RASGRF1: variants seen among roughly 807,000 people sequenced by gnomAD.
The protein encoded by RASGRF1 is Ras protein specific guanine nucleotide releasing factor 1.
RASGRF1 carries 40 observed loss-of-function variants against 138.7 expected under a neutral mutation model. That is an observed-to-expected ratio of 0.29 (90% CI 0.22 to 0.38). The LOEUF is 0.38. Ranked by LOEUF, RASGRF1 falls within the 10% of genes least tolerant of loss-of-function variation. The probability of loss-of-function intolerance (pLI) is 1.00; values close to 1 mark genes in which losing one functional copy is unlikely to be tolerated. For synonymous variants in RASGRF1, 614 were observed against 663.2 expected, an observed-to-expected ratio of 0.93 and a Z score of 1.14; for missense variants, 1,108 against 1,650.4, an observed-to-expected ratio of 0.67 and a Z score of 5.69.
intron 14 of RASGRF1, chr15:79,004,701 T>C (rs1313435322): frequency 1.0e-6 from 1 of 985,842 alleles, no homozygotes; most frequent in Non-Finnish European, 1.2e-6. Context: ...GATGGGAAGC[T>C]GAAAGTGGCC....
At position 78,968,783 on chromosome 15, in the gene RASGRF1, G is replaced by A. The variant is rs1471694558; in HGVS notation, c.3681+3083C>T. On this transcript the variant is annotated intron_variant, in intron 26 of 26. Transcript: ENST00000558480. The stretch of plus-strand genomic sequence containing the variant: ...TGGCCCTGCTGGCATCACCTAACAG[G>A]CTCCTCTGAGTTCTCTTCATGCCTA... Among the ~76,000 whole-genome samples, 6 of 152,190 alleles carry A rather than the reference G, an allele frequency of 3.9e-5. No individual in the cohort carries two copies. The East Asian group carries it at 5.8e-4, about 15-fold the overall frequency.
chr15:79,087,086 C>T (rs145997197), intron 1 of RASGRF1, among the ~76,000 whole-genome samples: 3 of 152,314 alleles, frequency 2.0e-5, no homozygotes, highest in Non-Finnish European at 2.9e-5. Context: ...GAGGCTGCAG[C>T]AGAGGCAGTC....
In RASGRF1 at chr15:78,985,031, C is replaced by T. The variant is rs770093406; in HGVS notation, c.3390G>A (p.Lys1130=). ...CCTGCTTAGAGACTTTGAGCCACGT[C>T]TTTTTGAGCCGGAAGATTGCACTGC... ...MNRSAIFRLK[K]TWLKVSKQTK... Residue 1130 remains lysine, a synonymous_variant, in exon 23 of 27, where the codon AAG becomes AAA. Transcript: ENST00000558480. The T allele has an allele frequency of 6.2e-7, 1 of 1,614,178 alleles. No homozygotes were observed. The highest frequency in any genetic ancestry group is 8.5e-7 in the Non-Finnish European group (1 of 1,180,014).
chr15:79,090,595 G>GCTCGCTCGCTCC lies in RASGRF1; in HGVS notation c.-109_-98dup, dbSNP rs1242830432. 32 of 1,515,214 alleles carry GCTCGCTCGCTCC rather than the reference G, an allele frequency of 2.1e-5. No homozygotes were observed. The highest frequency in any genetic ancestry group is 2.6e-5 in the Non-Finnish European group (29 of 1,121,390). 93.9% of individuals were successfully genotyped at this position (1,515,214 alleles called of 1,614,324 possible). ...TGCGCGCTGCCTCTCTCTGGCGCTCGCTCGCTCGCTCCCTCTAGCTCTCCC... is the reference window on the plus strand; with the variant it reads ...TGCGCGCTGCCTCTCTCTGGCGCTCGCTCGCTCGCTCCCTCGCTCGCTCCCTCTAGCTCTCCC... On this transcript the variant is annotated 5_prime_UTR_variant, in exon 1 of 27. Coordinates refer to ENST00000558480, the MANE Select transcript of RASGRF1 (RefSeq NM_001145648.3).
At position 79,032,026 on chromosome 15, in the gene RASGRF1, A is replaced by C; in HGVS notation, c.1152+97T>G. On this transcript the variant is annotated intron_variant, in intron 7 of 26. Transcript: ENST00000558480. The surrounding 1 kb of genome is among the most constrained non-coding windows in gnomAD (Gnocchi z 4.5). ...TCCCCCGCCCCCTTTGGCAGCCCAG[A>C]GCTGGGGTGCGTTAAGCACTGTGCC... 1 of 1,380,792 alleles carries C rather than the reference A, an allele frequency of 7.2e-7. No homozygotes were observed. Among genetic ancestry groups the C allele is most frequent in the Non-Finnish European group, 9.8e-7 (1 of 1,020,098 alleles). 85.5% of individuals were successfully genotyped at this position (1,380,792 alleles called of 1,614,324 possible).
At chr15:78,971,519 G>GACA (rs2055760138) in intron 26 of RASGRF1, among the ~76,000 whole-genome samples, 2 of 152,232 alleles carry the variant, frequency 1.3e-5, no homozygotes, top group Admixed American at 6.5e-5. Flanking sequence ...GTGGCTGGGG[G>GACA]ACATTTCACT....
intron 20 of RASGRF1, 108 bp from the exon 21 acceptor site, chr15:78,991,902 G>T: frequency 1.3e-6 from 1 of 777,622 alleles, no homozygotes; most frequent in East Asian, 2.5e-5. Flanking sequence ...TGGGTGGGCG[G>T]GTGGACGGGG....
intron 13 of RASGRF1, among the ~76,000 whole-genome samples, chr15:79,007,126 T>A (rs927739685): frequency 2.6e-5 from 4 of 152,248 alleles, no homozygotes; most frequent in Non-Finnish European, 4.4e-5. Flanking sequence ...TGTGGTCTAT[T>A]TGATCTGCTA....
At chr15:78,972,798 A>G (rs1033699923) in intron 25 of RASGRF1, among the ~76,000 whole-genome samples, 5 of 152,168 alleles carry the variant, frequency 3.3e-5, no homozygotes, top group Non-Finnish European at 7.3e-5. Context: ...CCTTATCCCA[A>G]GTTCTAGATT....
chr15:79,030,212 C>G (rs1350656741), intron 8 of RASGRF1, among the ~76,000 whole-genome samples: 1 of 152,192 alleles, frequency 6.6e-6, no homozygotes, highest in African/African-American at 2.4e-5. Flanking sequence ...GTTGGCTGCC[C>G]CTTGCCGGCC....
intron 2 of RASGRF1, among the ~76,000 whole-genome samples, chr15:79,063,084 GGAAGTAATGTCT>G (rs2057630155): frequency 1.3e-5 from 2 of 152,166 alleles, no homozygotes; most frequent in African/African-American, 4.8e-5. Flanking sequence ...CCCTGCAGAT[GGAAGTAATGTCT>G]CTCTCTCATG....
At chr15:78,967,277 G>A (rs2055662267) in intron 26 of RASGRF1, among the ~76,000 whole-genome samples, 1 of 151,996 alleles carries the variant, frequency 6.6e-6, no homozygotes. Flanking sequence ...CAGGTGCAGT[G>A]GCTCATTCCT....
At chr15:79,070,067 G>T (rs1344595027) in intron 1 of RASGRF1, among the ~76,000 whole-genome samples, 1 of 152,182 alleles carries the variant, frequency 6.6e-6, no homozygotes, top group Non-Finnish European at 1.5e-5. Context: ...GGCAGCAGGG[G>T]CTGGGGAGTA....
At chr15:78,990,553 A>T (rs1034038627) in intron 21 of RASGRF1, among the ~76,000 whole-genome samples, 1 of 152,078 alleles carries the variant, frequency 6.6e-6, no homozygotes, top group African/African-American at 2.4e-5. Flanking sequence ...GTTTACTGGG[A>T]GGCTGAAATA....
intron 1 of RASGRF1, among the ~76,000 whole-genome samples, chr15:79,067,603 G>A (rs1567607872): frequency 6.6e-6 from 1 of 152,154 alleles, no homozygotes; most frequent in Non-Finnish European, 1.5e-5. Flanking sequence ...TCGTAAACCT[G>A]CCCCCTGACA....
intron 1 of RASGRF1, among the ~76,000 whole-genome samples, chr15:79,080,565 T>C (rs1167881844): frequency 6.6e-6 from 1 of 152,254 alleles, no homozygotes; most frequent in Non-Finnish European, 1.5e-5. Context: ...TCTAAATTTC[T>C]ACATGGAGTT....
chr15:79,045,780 G>T (rs1010087593), intron 5 of RASGRF1, among the ~76,000 whole-genome samples: 2 of 152,184 alleles, frequency 1.3e-5, no homozygotes, highest in Non-Finnish European at 2.9e-5. Flanking sequence ...GTTAGGGAAA[G>T]GGGGAAGAGA....
Position 79,046,627 on chromosome 15 carries a change from T to C in RASGRF1, c.878+119A>G. 3 of 1,497,448 alleles carry C rather than the reference T, an allele frequency of 2.0e-6. No individual in the cohort carries two copies. In the East Asian group the frequency reaches 6.8e-5, roughly 34 times the overall value. 92.8% of individuals were successfully genotyped at this position (1,497,448 alleles called of 1,614,324 possible). On this transcript the variant is annotated intron_variant, in intron 5 of 26. Transcript: ENST00000558480. The surrounding 1 kb of genome is among the most constrained non-coding windows in gnomAD (Gnocchi z 5.3). ...AGCCACGTGATCTTGGGCACTTCTG[T>C]CCTCTCTGGGCCTCATCTGCACTCG...
intron 26 of RASGRF1, among the ~76,000 whole-genome samples, chr15:78,967,236 C>T (rs1345448697): frequency 6.6e-6 from 1 of 151,946 alleles, no homozygotes; most frequent in Non-Finnish European, 1.5e-5. Flanking sequence ...GAGTGAGACC[C>T]TGCCTCAAAC....
Sources: allele counts gnomAD v4.1 joint callset (sites outside exome capture counted in the v4.1 genomes callset), GRCh38; gene constraint gnomAD v4.1.1; non-coding constraint Gnocchi (gnomAD v3.1); transcripts MANE v1.5; gene names NCBI Gene and HGNC (gene_info 2026-07-23, HGNC 2026-07-21).